The following USP8 variants were observed in gnomAD, a reference collection of about 807,000 sequenced individuals.
The protein encoded by USP8 is ubiquitin specific peptidase 8.
In USP8, 27 loss-of-function variants were observed where a neutral mutation model predicts 130.0. The observed-to-expected ratio is 0.21, with a 90% CI of 0.15 to 0.29. The LOEUF is 0.29. Among genes scored for constraint, USP8 ranks in the 10% least tolerant of loss-of-function variants. The pLI is 1.00. For missense variants in USP8, 1,029 were observed against 1,312.2 expected (o/e 0.78, Z 3.33); for synonymous variants, 392 against 444.1 (o/e 0.88, Z 1.48).
rs1296570929 is a variant in USP8, at chr15:50,499,253, A to G, written c.*165A>G. 28 of 531,918 alleles carry G rather than the reference A, an allele frequency of 5.3e-5. No individual in the cohort carries two copies. The highest frequency in any genetic ancestry group is 8.2e-5 in the Non-Finnish European group (28 of 341,050). The allele number at this position is 531,918 out of a possible 1,614,324, so 32.9% of individuals were successfully genotyped here. ...TAATTCCGGTCAGTGCTGACAAATA[A>G]CATTTAACAAGTATTGCAGTAATCA... On this transcript the variant is annotated 3_prime_UTR_variant, in exon 20 of 20. Transcript: ENST00000307179.
intron 3 of USP8, among the ~76,000 whole-genome samples, chr15:50,447,810 C>T (rs926149721): frequency 6.6e-5 from 10 of 151,204 alleles, no homozygotes; most frequent in Admixed American, 6.6e-4. Flanking sequence ...CACTATATGC[C>T]CAGGCAGGTC....
chr15:50,491,920 G>A (rs2052184829), intron 14 of USP8, among the ~76,000 whole-genome samples: 1 of 152,000 alleles, frequency 6.6e-6, no homozygotes, highest in African/African-American at 2.4e-5. Flanking sequence ...AGGCTGAAGT[G>A]CAGTGGCATG....
chr15:50,429,861 C>T (rs948506986), intron 1 of USP8, among the ~76,000 whole-genome samples: 1 of 152,058 alleles, frequency 6.6e-6, no homozygotes, highest in African/African-American at 2.4e-5. Context: ...TGGCTCCCTA[C>T]TTAATGATTT....
At chr15:50,443,433 G>C (rs1294319706) in intron 3 of USP8, among the ~76,000 whole-genome samples, 5 of 151,992 alleles carry the variant, frequency 3.3e-5, no homozygotes, top group African/African-American at 1.2e-4. Context: ...ATCATTGCTG[G>C]TATTTCTTCT....
At chr15:50,472,073 G>T (rs1044021153) in intron 8 of USP8, among the ~76,000 whole-genome samples, 1 of 151,524 alleles carries the variant, frequency 6.6e-6, no homozygotes, top group East Asian at 2.0e-4. Flanking sequence ...GCTAATTTTT[G>T]TATTTTTAGA....
chr15:50,472,851 G>A lies in USP8; in HGVS notation c.849+1056G>A, dbSNP rs550821055. The stretch of plus-strand genomic sequence containing the variant: ...ATTGAACCCGGGAGGTGGAGGTTGC[G>A]GTCAGCCAAGATCACACCATTGCAC... On this transcript the variant is annotated intron_variant, in intron 8 of 19. Coordinates refer to ENST00000307179, the MANE Select transcript of USP8 (RefSeq NM_005154.5). Among the ~76,000 whole-genome samples the A allele has an allele frequency of 1.5e-4, 22 of 151,624 alleles. No homozygotes were observed. The East Asian group carries it at 2.5e-3, about 17-fold the overall frequency.
At chr15:50,475,534 G>A (rs1285933497) in intron 8 of USP8, among the ~76,000 whole-genome samples, 1 of 151,532 alleles carries the variant, frequency 6.6e-6, no homozygotes, top group African/African-American at 2.4e-5. Context: ...TTATCCTAAA[G>A]AAATACATAT....
intron 3 of USP8, among the ~76,000 whole-genome samples, chr15:50,448,759 A>G (rs1406437811): frequency 6.6e-6 from 1 of 152,076 alleles, no homozygotes; most frequent in Non-Finnish European, 1.5e-5. Flanking sequence ...TCCTCAAGTG[A>G]TGTGCCCGCC....
chr15:50,475,183 A>G (rs1331065179), intron 8 of USP8, among the ~76,000 whole-genome samples: 2 of 152,220 alleles, frequency 1.3e-5, no homozygotes, highest in Non-Finnish European at 2.9e-5. Context: ...TTTGCAATAT[A>G]TATGACAAAG....
intron 12 of USP8, among the ~76,000 whole-genome samples, chr15:50,485,544 TTA>T (rs2051925822): frequency 6.9e-6 from 1 of 144,712 alleles, no homozygotes; most frequent in Non-Finnish European, 1.5e-5. Context: ...AGCATGCAGT[TTA>T]GTGATTTTTT....
chr15:50,482,464 A>T (rs1200515064), intron 11 of USP8, among the ~76,000 whole-genome samples: 1 of 152,222 alleles, frequency 6.6e-6, no homozygotes, highest in African/African-American at 2.4e-5. Flanking sequence ...GAATATATCC[A>T]AAATCAGTGA....
chr15:50,465,072 C>T lies in USP8; in HGVS notation c.567C>T (p.Tyr189=). Residue 189 remains tyrosine, a synonymous_variant, in exon 7 of 20, where the codon TAC becomes TAT. Transcript: ENST00000307179. Reference sequence around the variant, plus strand: ...GAGCAATCACAGCAAAGGAACTATACACAATGATGACGGATAAAAACATCA... The same window carrying T: ...GAGCAATCACAGCAAAGGAACTATATACAATGATGACGGATAAAAACATCA... ...EKGAITAKEL[Y]TMMTDKNISL... is the part of the protein sequence containing the mutation. 1.2e-6 allele frequency: 2 copies of T among 1,614,066 alleles called. No individual in the cohort carries two copies. The highest frequency in any genetic ancestry group is 1.3e-5 in the African/African-American group (1 of 75,034).
chr15:50,461,851 C>CAAAA (rs35159499), intron 5 of USP8, among the ~76,000 whole-genome samples: 2 of 120,550 alleles, frequency 1.7e-5, no homozygotes, highest in Non-Finnish European at 1.8e-5. Flanking sequence ...GACTCCGTCT[C>CAAAA]AAAAAAAAAA....
rs1320130504 is a variant in USP8, at chr15:50,499,062, C to A, written c.3331C>A (p.Pro1111Thr). ...TATCCTCTTTTATACTTCATTGGGA[C>A]CACGAGTAACTGATGTAGCCACATA... ...AYILFYTSLG[P>T]RVTDVAT The change falls in exon 20 of 20, where the codon CCA (proline) becomes ACA (threonine). Residue 1111 changes from proline (P) to threonine (T), a missense_variant. Transcript: ENST00000307179. 1.9e-6 allele frequency: 3 copies of A among 1,610,712 alleles called. No homozygotes were observed.
At chr15:50,495,825 A>G in intron 16 of USP8, 23 bp from the exon 17 acceptor site, 1 of 1,556,154 alleles carries the variant, frequency 6.4e-7, no homozygotes, top group South Asian at 1.1e-5. Context: ...ATTAATATAG[A>G]GCTTAAATCA....
chr15:50,481,726 G>A lies in USP8; in HGVS notation c.1464G>A (p.Glu488=), dbSNP rs142653887. 215 of 1,609,310 alleles carry A rather than the reference G, an allele frequency of 1.3e-4. No individual in the cohort carries two copies. In the African/African-American group the frequency reaches 2.6e-3, roughly 19 times the overall value. Residue 488 remains glutamate (E), a synonymous_variant, in exon 11 of 20, where the codon GAG becomes GAA. Transcript: ENST00000307179. The stretch of plus-strand genomic sequence containing the variant: ...AAGAACTTCGGGAAAGGCAGCAAGA[G>A]GAACAGAAAGAGAAACTGAGGAAGG... ...QEKELRERQQ[E]EQKEKLRKEE...
At chr15:50,473,507 TA>T (rs1177500421) in intron 8 of USP8, among the ~76,000 whole-genome samples, 1 of 152,070 alleles carries the variant, frequency 6.6e-6, no homozygotes, top group Non-Finnish European at 1.5e-5. Flanking sequence ...TTTTAATTTT[TA>T]TTTTTTTAAG....
At chr15:50,460,038 C>T (rs1297056153) in intron 5 of USP8, among the ~76,000 whole-genome samples, 4 of 119,808 alleles carry the variant, frequency 3.3e-5, no homozygotes, top group Non-Finnish European at 4.9e-5. Flanking sequence ...ATTCTTGTCG[C>T]CCAGGCTGGA....
chr15:50,445,391 C>CGTA (rs1204672093), intron 3 of USP8, among the ~76,000 whole-genome samples: 2 of 147,046 alleles, frequency 1.4e-5, no homozygotes, highest in African/African-American at 2.5e-5. Context: ...ACTAAAAATA[C>CGTA]AAAAATTAGC....
Sources: gnomAD v4.1 joint callset for allele counts (sites outside exome capture counted in the v4.1 genomes callset) on GRCh38, gnomAD v4.1.1 for gene constraint, MANE v1.5 for transcripts, NCBI Gene and HGNC (gene_info 2026-07-23, HGNC 2026-07-21) for gene names.